The following APTX variants were observed in gnomAD, a reference collection of about 807,000 sequenced individuals.
APTX encodes forkhead-associated domain histidine triad-like protein.
APTX carries 33 observed loss-of-function variants against 42.3 expected under a neutral mutation model. The observed-to-expected ratio is 0.78, with a 90% CI of 0.59 to 1.04. APTX has a LOEUF of 1.04. APTX is among the 50% of genes least tolerant of loss of function. APTX has a pLI of 0.00. For missense variants in APTX, 421 were observed against 415.1 expected (o/e 1.01, Z -0.12); for synonymous variants, 130 against 146.7 (o/e 0.89, Z 0.82).
At chr9:32,990,266 G>A (rs1441470403) in intron 1 of APTX, among the ~76,000 whole-genome samples, 1 of 152,052 alleles carries the variant, frequency 6.6e-6, no homozygotes, top group Non-Finnish European at 1.5e-5. Flanking sequence ...TCCACCTTCC[G>A]GGTTCAAGCA....
At chr9:32,977,154 A>C (rs991260709) in intron 6 of APTX, among the ~76,000 whole-genome samples, 29 of 152,246 alleles carry the variant, frequency 1.9e-4, no homozygotes, top group Admixed American at 5.2e-4. Context: ...AGATAAAAAT[A>C]AATTACCAGA....
intron 1 of APTX, among the ~76,000 whole-genome samples, chr9:32,995,689 C>T (rs927781381): frequency 6.6e-6 from 1 of 152,018 alleles, no homozygotes; most frequent in Non-Finnish European, 1.5e-5. Flanking sequence ...AGATCGAGAC[C>T]ATCCTGGCTA....
At chr9:33,011,434 C>G (rs926679233) in intron 1 of APTX, among the ~76,000 whole-genome samples, 5 of 151,678 alleles carry the variant, frequency 3.3e-5, no homozygotes, top group African/African-American at 1.2e-4. Context: ...ATTACAGGCG[C>G]CTGCCACCAC....
upstream of APTX, among the ~76,000 whole-genome samples, chr9:33,003,164 G>A (rs117986955): frequency 4.9e-3 from 750 of 152,290 alleles, 3 homozygotes; most frequent in Non-Finnish European, 6.9e-3. Context: ...GCATCCAAAA[G>A]TTGGATTGGA....
At chr9:32,984,934 G>T in intron 5 of APTX, 77 bp from the exon 6 acceptor site, 1 of 1,322,272 alleles carries the variant, frequency 7.6e-7, no homozygotes. Flanking sequence ...TATTCACTAA[G>T]TCACTTAATT....
chr9:33,008,022 G>T (rs893628620), intron 1 of APTX, among the ~76,000 whole-genome samples: 3 of 152,042 alleles, frequency 2.0e-5, no homozygotes, highest in Non-Finnish European at 4.4e-5. Flanking sequence ...GTCTGCTCTG[G>T]GGGAATCCAA....
rs980619069 is a variant in APTX at position 33,008,615 on chromosome 9, G to A, written c.-5+16408C>T. On this transcript the variant is annotated intron_variant, in intron 1 of 6. Coordinates refer to the APTX transcript ENST00000436040. Reference sequence around the variant, plus strand: ...CACCCAGGCTGGAGTGCAGTGGCACGATCTTGGCTCACTGCAACCTCCACC... The same window carrying A: ...CACCCAGGCTGGAGTGCAGTGGCACAATCTTGGCTCACTGCAACCTCCACC... 6.0e-5 allele frequency among the ~76,000 whole-genome samples: 9 copies of A among 149,316 alleles called. No homozygotes were observed. The Admixed American group carries it at 6.1e-4, about 10-fold the overall frequency.
Position 32,974,456 on chromosome 9 carries a change from A to G in APTX, c.874+2T>C. 2.0e-6 allele frequency: 3 copies of G among 1,528,552 alleles called. No individual in the cohort carries two copies. Among genetic ancestry groups the G allele is most frequent in the Non-Finnish European group, 2.7e-6 (3 of 1,102,508 alleles). 94.7% of individuals were successfully genotyped at this position (1,528,552 alleles called of 1,614,324 possible). A position where few individuals can be genotyped will look rare whatever the true frequency, so the allele number is the denominator to read the frequency against. ...ATGTGAAAACCAAGGAACACTGTTT[A>G]CCTTGTGATTCTAGGAAGTATTCTG... On this transcript the variant is annotated splice_donor_variant, in intron 7 of 7. Coordinates refer to ENST00000379817, the MANE Select transcript of APTX (RefSeq NM_001195248.2). LOFTEE classifies it high-confidence loss of function.
chr9:33,019,476 T>C (rs1838185896), intron 1 of APTX, among the ~76,000 whole-genome samples: 1 of 152,190 alleles, frequency 6.6e-6, no homozygotes, highest in Admixed American at 6.5e-5. Context: ...GATAAAAATT[T>C]TTCTTTTTTC....
intron 1 of APTX, among the ~76,000 whole-genome samples, chr9:32,991,748 G>C (rs956872103): frequency 6.7e-6 from 1 of 149,968 alleles, no homozygotes; most frequent in Non-Finnish European, 1.5e-5. Context: ...TTGTATTCCA[G>C]CCTGGGCGAT....
intron 1 of APTX, among the ~76,000 whole-genome samples, chr9:32,994,984 C>G (rs1384069891): frequency 6.6e-6 from 1 of 152,158 alleles, no homozygotes; most frequent in Non-Finnish European, 1.5e-5. Context: ...ATTTTAAGAT[C>G]TCTGTTAAGA....
In APTX at chr9:32,987,978, T is replaced by G. The variant is rs576611718; in HGVS notation, c.180+105A>C. 90 of 1,507,444 alleles carry G rather than the reference T, an allele frequency of 6.0e-5. No individual in the cohort carries two copies. The South Asian group carries it at 9.8e-4, about 16-fold the overall frequency. The allele number at this position is 1,507,444 out of a possible 1,614,324, so 93.4% of individuals were successfully genotyped here. A position where few individuals can be genotyped will look rare whatever the true frequency, so the allele number is the denominator to read the frequency against. On this transcript the variant is annotated intron_variant, in intron 3 of 7. Coordinates refer to ENST00000379817, the MANE Select transcript of APTX (RefSeq NM_001195248.2). ...ATGTTCACCTATATTACTCCATCAC[T>G]TCCATACATGACAGAGAAGCCTTCA...
chr9:33,008,259 A>G (rs957032817), intron 1 of APTX, among the ~76,000 whole-genome samples: 2 of 151,188 alleles, frequency 1.3e-5, no homozygotes, highest in Non-Finnish European at 1.5e-5. Context: ...ACAACAAAGT[A>G]TTGGGGAAAA....
chr9:33,017,219 G>C (rs1174605163), intron 1 of APTX, among the ~76,000 whole-genome samples: 1 of 152,198 alleles, frequency 6.6e-6, no homozygotes, highest in African/African-American at 2.4e-5. Flanking sequence ...TCCAATTTAA[G>C]ATACCAATAG....
intron 2 of APTX, among the ~76,000 whole-genome samples, chr9:32,988,684 A>AGG (rs1193052109): frequency 7.6e-5 from 1 of 13,240 alleles, no homozygotes; most frequent in African/African-American, 1.4e-4. Context: ...CTATCTCAGG[A>AGG]GGAAAAAAAA....
At chr9:32,994,861 G>C (rs923814300) in intron 1 of APTX, among the ~76,000 whole-genome samples, 1 of 152,066 alleles carries the variant, frequency 6.6e-6, no homozygotes, top group Admixed American at 6.5e-5. Flanking sequence ...TGAAGCCAAC[G>C]CTCATTTACC....
At chr9:32,989,283 T>C (rs1832970439) in intron 2 of APTX, among the ~76,000 whole-genome samples, 1 of 152,166 alleles carries the variant, frequency 6.6e-6, no homozygotes, top group Non-Finnish European at 1.5e-5. Context: ...AAAAACAAGG[T>C]ACATGGTAAG....
intron 6 of APTX, among the ~76,000 whole-genome samples, chr9:32,983,204 A>G (rs1331556810): frequency 1.3e-5 from 2 of 152,216 alleles, no homozygotes; most frequent in African/African-American, 4.8e-5. Flanking sequence ...ACATATGTCT[A>G]TGATATACAC....
rs2118687345 is a variant in APTX at position 32,984,831 on chromosome 9, C to T, written c.570G>A (p.Val190=). 6.2e-7 allele frequency: 1 copy of T among 1,614,172 alleles called. No homozygotes were observed. Among genetic ancestry groups the T allele is most frequent in the East Asian group, 2.2e-5 (1 of 44,888 alleles). Residue 190 remains valine, a synonymous_variant, in exon 6 of 8, where the codon GTG becomes GTA. Coordinates refer to ENST00000379817, the MANE Select transcript of APTX (RefSeq NM_001195248.2). ...GGGCCTTTGGGTATTTATCCTTTAT[C>T]ACCACCACCTGCTCATCTTTGTAAA... The part of the protein sequence containing the change: ...MQVYKDEQVV[V]IKDKYPKARY...
Sources: allele counts gnomAD v4.1 joint callset (sites outside exome capture counted in the v4.1 genomes callset), GRCh38; gene constraint gnomAD v4.1.1; transcripts MANE v1.5; gene names NCBI Gene and HGNC (gene_info 2026-07-23, HGNC 2026-07-21).